Variants in UNC5C observed in about 807,000 individuals in gnomAD.
UNC5C encodes the protein netrin receptor UNC5C.
Under a neutral mutation model 99.8 loss-of-function variants are expected in UNC5C, and 47 were observed. The ratio of observed to expected loss-of-function variants is 0.47; its 90% confidence interval spans 0.37 to 0.60. The LOEUF (loss-of-function observed/expected upper bound fraction) is 0.60. Ranked by LOEUF, UNC5C falls within the 20% of genes least tolerant of loss-of-function variation. The pLI, the probability that UNC5C is intolerant of heterozygous loss-of-function variation, is 0.00. For missense variants in UNC5C, 1,062 were observed against 1,165.9 expected, an observed-to-expected ratio of 0.91 and a Z score of 1.30; for synonymous variants, 487 against 452.2, an observed-to-expected ratio of 1.08 and a Z score of -0.98.
intron 1 of UNC5C, among the ~76,000 whole-genome samples, chr4:95,495,375 T>C (rs1721604459): frequency 6.6e-6 from 1 of 151,554 alleles, no homozygotes; most frequent in Admixed American, 6.6e-5. Flanking sequence ...GATAAAACCA[T>C]TGCCTCTAAC....
intron 4 of UNC5C, among the ~76,000 whole-genome samples, chr4:95,277,031 G>A (rs1196843954): frequency 1.3e-5 from 2 of 151,544 alleles, no homozygotes; most frequent in African/African-American, 4.9e-5. Flanking sequence ...TTGTTGTCAG[G>A]GGACCAGCTA....
chr4:95,304,450 TC>T (rs1160087333), intron 2 of UNC5C, among the ~76,000 whole-genome samples: 3 of 152,294 alleles, frequency 2.0e-5, no homozygotes, highest in South Asian at 2.1e-4. Context: ...TCTTTCCTGG[TC>T]CCTACTCAGG....
At chr4:95,334,309 T>C (rs1743242313) in intron 2 of UNC5C, among the ~76,000 whole-genome samples, 1 of 152,008 alleles carries the variant, frequency 6.6e-6, no homozygotes, top group Admixed American at 6.6e-5. Context: ...GGAACAAATA[T>C]GAATTATTTA....
At chr4:95,531,332 T>C (rs778215259) in intron 1 of UNC5C, among the ~76,000 whole-genome samples, 8 of 152,204 alleles carry the variant, frequency 5.3e-5, no homozygotes, top group Non-Finnish European at 7.3e-5. Context: ...CCACTTCCTC[T>C]GCTTTATGTC....
intron 2 of UNC5C, among the ~76,000 whole-genome samples, chr4:95,329,128 CA>C (rs1743015918): frequency 1.3e-5 from 2 of 152,020 alleles, no homozygotes; most frequent in East Asian, 1.9e-4. Flanking sequence ...CCCATCTCTA[CA>C]AAAAATGAAA....
chr4:95,237,247 T>C (rs924235739), intron 7 of UNC5C, among the ~76,000 whole-genome samples: 1 of 152,208 alleles, frequency 6.6e-6, no homozygotes, highest in Admixed American at 6.5e-5. Context: ...TAGCTATTCA[T>C]ACTAATTACT....
chr4:95,444,937 A>G (rs1747054012), intron 1 of UNC5C, among the ~76,000 whole-genome samples: 1 of 152,196 alleles, frequency 6.6e-6, no homozygotes, highest in African/African-American at 2.4e-5. Context: ...CACTTTTGGT[A>G]GATTTATTCC....
intron 1 of UNC5C, among the ~76,000 whole-genome samples, chr4:95,348,786 TA>T (rs936478483): frequency 6.6e-6 from 1 of 151,210 alleles, no homozygotes; most frequent in African/African-American, 2.4e-5. Flanking sequence ...TATTTAGTTA[TA>T]AAAAAAGACT....
intron 1 of UNC5C, among the ~76,000 whole-genome samples, chr4:95,522,997 G>T (rs1389337866): frequency 2.0e-5 from 3 of 152,080 alleles, no homozygotes; most frequent in African/African-American, 7.2e-5. Flanking sequence ...TGGGTACCTT[G>T]TCTTATCTTT....
chr4:95,490,206 G>T (rs1227874690), intron 1 of UNC5C, among the ~76,000 whole-genome samples: 1 of 151,536 alleles, frequency 6.6e-6, no homozygotes, highest in Non-Finnish European at 1.5e-5. Context: ...AAGATGGAAG[G>T]GGTCACATTG....
intron 1 of UNC5C, among the ~76,000 whole-genome samples, chr4:95,526,573 C>T (rs1722503093): frequency 6.6e-6 from 1 of 151,900 alleles, no homozygotes; most frequent in South Asian, 2.1e-4. Flanking sequence ...GTAAGTAATA[C>T]AAATGTCTCA....
chr4:95,528,674 A>G (rs1380362513), intron 1 of UNC5C, among the ~76,000 whole-genome samples: 1 of 152,156 alleles, frequency 6.6e-6, no homozygotes, highest in Non-Finnish European at 1.5e-5. Flanking sequence ...GAAATGTAGT[A>G]TAACCCTGGG....
intron 2 of UNC5C, among the ~76,000 whole-genome samples, chr4:95,309,855 A>G (rs1313565149): frequency 2.0e-5 from 3 of 152,194 alleles, no homozygotes; most frequent in African/African-American, 7.2e-5. Flanking sequence ...CAGCCATATG[A>G]AAAACTGTAT....
At chr4:95,493,963 C>G (rs989100250) in intron 1 of UNC5C, among the ~76,000 whole-genome samples, 1 of 151,242 alleles carries the variant, frequency 6.6e-6, no homozygotes, top group Non-Finnish European at 1.5e-5. Flanking sequence ...TTGTATCTGC[C>G]AAAGATGCCA....
intron 4 of UNC5C, among the ~76,000 whole-genome samples, chr4:95,269,237 G>A (rs1331591552): frequency 1.3e-5 from 2 of 152,102 alleles, no homozygotes; most frequent in Non-Finnish European, 2.9e-5. Context: ...CAATTCCCAG[G>A]TGATTCCACT....
chr4:95,204,728 C>G (rs564135979), intron 11 of UNC5C, among the ~76,000 whole-genome samples: 1 of 152,340 alleles, frequency 6.6e-6, no homozygotes, highest in South Asian at 2.1e-4. Context: ...CCACTGTATT[C>G]CAGTGGGCCT....
At chr4:95,399,464 C>G (rs566398524) in intron 1 of UNC5C, among the ~76,000 whole-genome samples, 3 of 152,324 alleles carry the variant, frequency 2.0e-5, no homozygotes, top group East Asian at 3.9e-4. Context: ...TTGCATAAAA[C>G]TCTTCAATGG....
At chr4:95,284,124 A>ATT (rs142230181) in intron 3 of UNC5C, among the ~76,000 whole-genome samples, 1 of 150,156 alleles carries the variant, frequency 6.7e-6, no homozygotes, top group African/African-American at 2.4e-5. Flanking sequence ...GCTTTCAGTG[A>ATT]TTTTTTTTTT....
chr4:95,278,865 G>T (rs1383777410), intron 3 of UNC5C, among the ~76,000 whole-genome samples: 1 of 152,112 alleles, frequency 6.6e-6, no homozygotes, highest in African/African-American at 2.4e-5. Flanking sequence ...AAATTCAGAG[G>T]TTATGAACTG....
Sources: allele counts gnomAD v4.1 joint callset (sites outside exome capture counted in the v4.1 genomes callset), GRCh38; gene constraint gnomAD v4.1.1; transcripts MANE v1.5; gene names NCBI Gene and HGNC (gene_info 2026-07-23, HGNC 2026-07-21).